Variants in COL4A4 observed in about 807,000 individuals in gnomAD.
COL4A4 encodes collagen type IV alpha 4 chain.
A neutral mutation model predicts 192.9 loss-of-function variants in COL4A4; 105 were observed. The ratio of observed to expected loss-of-function variants is 0.54; its 90% CI spans 0.46 to 0.64. COL4A4 has a LOEUF of 0.64. COL4A4 is among the 30% of genes least tolerant of loss of function. The pLI, the probability that COL4A4 is intolerant of heterozygous loss-of-function variation, is 0.00. For missense variants in COL4A4, 1,967 were observed against 2,169.3 expected (o/e 0.91, Z 1.85); for synonymous variants, 762 against 769.9 (o/e 0.99, Z 0.17).
intron 12 of COL4A4, among the ~76,000 whole-genome samples, chr2:227,107,097 A>G (rs911477976): frequency 6.6e-6 from 1 of 152,168 alleles, no homozygotes; most frequent in Admixed American, 6.5e-5. Context: ...CATATTCCAG[A>G]GCTCCATGGC....
chr2:227,037,455 A>C (rs1466277409), intron 37 of COL4A4, among the ~76,000 whole-genome samples: 1 of 152,144 alleles, frequency 6.6e-6, no homozygotes, highest in Non-Finnish European at 1.5e-5. Flanking sequence ...CATGGTGTAC[A>C]TGTGCCACAT....
At chr2:227,077,400 C>T (rs2059081514) in intron 25 of COL4A4, among the ~76,000 whole-genome samples, 1 of 152,200 alleles carries the variant, frequency 6.6e-6, no homozygotes, top group Non-Finnish European at 1.5e-5. Flanking sequence ...AACAGAAAAC[C>T]AAACACCGCA....
chr2:227,021,455 T>C (rs922195645), intron 44 of COL4A4, among the ~76,000 whole-genome samples: 6 of 152,200 alleles, frequency 3.9e-5, no homozygotes, highest in African/African-American at 1.4e-4. Context: ...TCTACCATGT[T>C]GTGCTAAGAG....
At position 227,137,853 on chromosome 2, in the gene COL4A4, C is replaced by T. The variant is rs1193979445; in HGVS notation, c.192+2308G>A. 7.2e-5 allele frequency among the ~76,000 whole-genome samples: 11 copies of T among 151,946 alleles called. No individual in the cohort carries two copies. The East Asian group carries it at 1.5e-3, about 21-fold the overall frequency. On this transcript the variant is annotated intron_variant, in intron 4 of 47. Transcript: ENST00000396625. Reference sequence around the variant, plus strand: ...ATTTAGAGGCACTGAGGTTTTTTTTCCTTTTTGCATTTGTACAATCTTGGT... The same window carrying T: ...ATTTAGAGGCACTGAGGTTTTTTTTTCTTTTTGCATTTGTACAATCTTGGT...
the COL4A4 span, among the ~76,000 whole-genome samples, chr2:226,989,035 T>A: frequency 1.3e-5 from 2 of 152,264 alleles, no homozygotes; most frequent in Non-Finnish European, 2.9e-5. Flanking sequence ...GGTTTACACA[T>A]GCTGATGTAG....
At chr2:227,009,420 AG>A (rs1484065730) in intron 46 of COL4A4, among the ~76,000 whole-genome samples, 1 of 152,150 alleles carries the variant, frequency 6.6e-6, no homozygotes, top group African/African-American at 2.4e-5. Flanking sequence ...AAAATTGGCA[AG>A]GGCTGGGCAC....
the COL4A4 span, among the ~76,000 whole-genome samples, chr2:226,971,506 A>G: frequency 3.9e-5 from 6 of 152,324 alleles, no homozygotes; most frequent in African/African-American, 1.4e-4. Context: ...AAGGCATGAG[A>G]AAGAATAGAC....
chr2:227,060,109 A>AAAAAC, intron 27 of COL4A4, 27 bp downstream of exon 27: 3 of 1,128,584 alleles, frequency 2.7e-6, no homozygotes, highest in Admixed American at 4.5e-5. Flanking sequence ...CAGAAAAAAA[A>AAAAAC]AAAAAAAAAA....
intron 37 of COL4A4, among the ~76,000 whole-genome samples, chr2:227,041,129 TATC>T (rs1970735291): frequency 6.6e-6 from 1 of 152,282 alleles, no homozygotes; most frequent in Middle Eastern, 3.4e-3. Flanking sequence ...CTCTTCCACT[TATC>T]ATGATCAGTA....
At chr2:226,989,044 A>AGG in the COL4A4 span, among the ~76,000 whole-genome samples, 1 of 152,262 alleles carries the variant, frequency 6.6e-6, no homozygotes, top group African/African-American at 2.4e-5. Flanking sequence ...ATGCTGATGT[A>AGG]GGGGCTGAGG....
the COL4A4 span, among the ~76,000 whole-genome samples, chr2:226,989,371 T>G: frequency 6.6e-6 from 1 of 152,178 alleles, no homozygotes; most frequent in African/African-American, 2.4e-5. Flanking sequence ...TCATGGGTAC[T>G]GTTGGGTAAC....
At chr2:227,130,352 T>C (rs10208224) in intron 4 of COL4A4, among the ~76,000 whole-genome samples, 60,271 of 152,064 alleles carry the variant, frequency 0.4, 12,139 homozygotes, top group Non-Finnish European at 0.41. Flanking sequence ...CTCCAGGCCA[T>C]TGGAGAAGGG....
intron 37 of COL4A4, among the ~76,000 whole-genome samples, chr2:227,040,716 C>T (rs543685074): frequency 3.4e-4 from 51 of 151,912 alleles, no homozygotes; most frequent in African/African-American, 1.2e-3. Flanking sequence ...CAGGCATGCA[C>T]CACCACAGAG....
At chr2:227,156,912 G>C (rs1011978519) in intron 1 of COL4A4, among the ~76,000 whole-genome samples, 1 of 152,204 alleles carries the variant, frequency 6.6e-6, no homozygotes, top group Non-Finnish European at 1.5e-5. Context: ...ATCTTCTCTT[G>C]GTTATTGATA....
the COL4A4 span, among the ~76,000 whole-genome samples, chr2:226,977,570 A>G: frequency 6.6e-6 from 1 of 152,186 alleles, no homozygotes; most frequent in South Asian, 2.1e-4. Context: ...GTGAACCGTG[A>G]AACACCATCC....
At chr2:227,129,358 C>T (rs1481131022) in intron 4 of COL4A4, among the ~76,000 whole-genome samples, 1 of 151,840 alleles carries the variant, frequency 6.6e-6, no homozygotes, top group Non-Finnish European at 1.5e-5. Context: ...TCATTATTGC[C>T]TTGTGCATGC....
Position 227,102,790 on chromosome 2 carries a change from C to T in COL4A4, c.929G>A (p.Arg310Gln), listed in dbSNP as rs373741172. The change falls in exon 15 of 48, where the codon CGG (arginine) becomes CAG (glutamine). Residue 310 changes from arginine to glutamine, a missense_variant and splice_region_variant. Coordinates refer to ENST00000396625, the MANE Select transcript of COL4A4 (RefSeq NM_000092.5). ...ATGTTAACAGCAAATGATGCTTACC[C>T]GAGGCCCTGGAAATCCAGGAATACC... ...EKGIPGFPGPRGDPGSYGSPG... is the reference protein window; with the variant it reads ...EKGIPGFPGPQGDPGSYGSPG... 224 of 1,612,816 alleles carry T rather than the reference C, an allele frequency of 1.4e-4. 1 individual carries two copies. The highest frequency in any genetic ancestry group is 1.1e-3 in the East Asian group (50 of 44,864).
the COL4A4 span, among the ~76,000 whole-genome samples, chr2:226,986,218 A>C: frequency 2.6e-5 from 4 of 152,354 alleles, no homozygotes; most frequent in East Asian, 7.7e-4. Flanking sequence ...GCCACAGACC[A>C]AAAGAGACTA....
chr2:227,008,308 G>C lies in COL4A4; in HGVS notation c.4523-4C>G. 6.2e-7 allele frequency: 1 copy of C among 1,614,066 alleles called. No homozygotes were observed. The highest frequency in any genetic ancestry group is 8.5e-7 in the Non-Finnish European group (1 of 1,179,912). On this transcript the variant is annotated splice_region_variant and splice_polypyrimidine_tract_variant and intron_variant, in intron 46 of 47. Coordinates refer to ENST00000396625, the MANE Select transcript of COL4A4 (RefSeq NM_000092.5). Reference sequence around the variant, plus strand: ...GGAAGGCAAGACCCTGCCAGACCTTGGGAAGGGAAGAAGAGACAGCTGGTG... The same window carrying C: ...GGAAGGCAAGACCCTGCCAGACCTTCGGAAGGGAAGAAGAGACAGCTGGTG...
Sources: gnomAD v4.1 joint callset for allele counts (sites outside exome capture counted in the v4.1 genomes callset) on GRCh38, gnomAD v4.1.1 for gene constraint, MANE v1.5 for transcripts, NCBI Gene and HGNC (gene_info 2026-07-23, HGNC 2026-07-21) for gene names.